The following TRAPPC11 variants were observed in gnomAD, a reference collection of about 807,000 sequenced individuals.
TRAPPC11 encodes the protein foie gras homolog.
A neutral mutation model predicts 151.2 loss-of-function variants in TRAPPC11; 104 were observed. That is an observed-to-expected ratio of 0.69 (90% CI 0.59 to 0.81). The LOEUF is 0.81. Among genes scored for constraint, TRAPPC11 ranks in the 30% least tolerant of loss-of-function variants. The pLI is 0.00. For missense variants in TRAPPC11, 1,230 were observed against 1,349.6 expected, an observed-to-expected ratio of 0.91 and a Z score of 1.39; for synonymous variants, 456 against 472.3, an observed-to-expected ratio of 0.97 and a Z score of 0.45.
chr4:183,712,100 A>G (rs1041615224), intron 29 of TRAPPC11, among the ~76,000 whole-genome samples: 1 of 152,146 alleles, frequency 6.6e-6, no homozygotes, highest in Non-Finnish European at 1.5e-5. Context: ...ACTTTTTCTC[A>G]AACAGGAGAT....
At chr4:183,694,454 T>A in intron 22 of TRAPPC11, 150 bp from the exon 23 acceptor site, 1 of 790,902 alleles carries the variant, frequency 1.3e-6, no homozygotes. Context: ...GGAGCATTGA[T>A]GAGTTACATT....
chr4:183,709,732 G>A (rs1200185649), intron 29 of TRAPPC11, among the ~76,000 whole-genome samples: 1 of 152,188 alleles, frequency 6.6e-6, no homozygotes, highest in Non-Finnish European at 1.5e-5. Context: ...TGGAGGTTGT[G>A]CCACTGCACT....
At position 183,666,268 on chromosome 4, in the gene TRAPPC11, T is replaced by G; in HGVS notation, c.216T>G (p.Tyr72Ter). The G allele has an allele frequency of 6.2e-7, 1 of 1,611,640 alleles. No individual in the cohort carries two copies. The highest frequency in any genetic ancestry group is 8.5e-7 in the Non-Finnish European group (1 of 1,179,152). Residue 72 changes from tyrosine to a stop codon, truncating the protein, a stop_gained, in exon 3 of 30, where the codon TAT becomes TAG. Transcript: ENST00000334690. LOFTEE classifies it high-confidence loss of function. ...GCCAATGTTTGCAGAGAACTTCATA[T>G]GAGTGGTACATTCCTAAAGGGATCT... is the stretch of plus-strand genomic sequence containing the variant. ...YPKCRPKRTSYEWYIPKGILK... is the reference protein window; with the variant it reads ...YPKCRPKRTS
At chr4:183,661,490 G>A (rs1469019835) in intron 1 of TRAPPC11, among the ~76,000 whole-genome samples, 3 of 146,214 alleles carry the variant, frequency 2.1e-5, no homozygotes, top group Admixed American at 7.3e-5. Context: ...TCCTGCCTCA[G>A]CCTCCCGAGT....
rs745774441 is a variant in TRAPPC11 at position 183,708,538 on chromosome 4, G to C, written c.3321G>C (p.Leu1107=). The change falls in exon 29 of 30, where the codon CTG becomes CTC. Residue 1107 remains leucine, a synonymous_variant. Transcript: ENST00000334690. ...LLRFPNFTNQ[L]LRRFIPTSIF... The stretch of plus-strand genomic sequence containing the variant: ...GATTTCCTAACTTCACAAATCAGCT[G>C]CTCAGGCGTTTTATACCTACCAGTA... 1.4e-5 allele frequency: 23 copies of C among 1,613,890 alleles called. No homozygotes were observed. The South Asian group carries it at 2.2e-4, about 15-fold the overall frequency.
At chr4:183,664,263 G>T (rs991279806) in intron 2 of TRAPPC11, among the ~76,000 whole-genome samples, 192 bp downstream of exon 2, 7 of 151,984 alleles carry the variant, frequency 4.6e-5, no homozygotes, top group Non-Finnish European at 8.8e-5. Context: ...TTAAACTCCA[G>T]AGGAATAATT....
At chr4:183,682,895 A>G (rs1026010591) in intron 11 of TRAPPC11, 70 bp downstream of exon 11, 146 of 1,033,490 alleles carry the variant, frequency 1.4e-4, no homozygotes, top group Non-Finnish European at 2.0e-4. Flanking sequence ...TAGATTTTCC[A>G]TTGGCTGCAC....
At chr4:183,691,619 G>T in intron 19 of TRAPPC11, 148 bp downstream of exon 19, 2 of 474,582 alleles carry the variant, frequency 4.2e-6, no homozygotes, top group African/African-American at 2.0e-5. Context: ...AGTTTGGGAA[G>T]TTTCCTTCAG....
chr4:183,693,105 A>AT lies in TRAPPC11; in HGVS notation c.2196dup (p.Glu733Ter). On this transcript the variant is annotated frameshift_variant, in exon 20 of 30. Coordinates refer to ENST00000334690, the MANE Select transcript of TRAPPC11 (RefSeq NM_021942.6). LOFTEE classifies it high-confidence loss of function. ...AAAAGGCGACCTAAGCTACCTGACA[A>AT]TGAAGTTCACTGGGACAGCATTATA... The AT allele has an allele frequency of 6.2e-7, 1 of 1,612,314 alleles. No individual in the cohort carries two copies. Among genetic ancestry groups the AT allele is most frequent in the Non-Finnish European group, 8.5e-7 (1 of 1,178,852 alleles).
chr4:183,683,712 A>G, intron 11 of TRAPPC11: 1 of 469,902 alleles, frequency 2.1e-6, no homozygotes, highest in East Asian at 3.8e-5. Flanking sequence ...TCCTCTATAG[A>G]GGATGATATT....
At chr4:183,686,518 T>C (rs1412827814) in intron 17 of TRAPPC11, 100 bp from the exon 18 acceptor site, 4 of 1,381,018 alleles carry the variant, frequency 2.9e-6, no homozygotes, top group Admixed American at 3.8e-5. Context: ...GAATGGTCAG[T>C]GCAGATGTGT....
At position 183,675,011 on chromosome 4, in the gene TRAPPC11, C is replaced by G. The variant is rs1013692444; in HGVS notation, c.661-153C>G. 2.2e-5 allele frequency: 12 copies of G among 551,824 alleles called. No individual in the cohort carries two copies. In the South Asian group the frequency reaches 2.3e-4, roughly 10 times the overall value. The allele number at this position is 551,824 out of a possible 1,614,324, so 34.2% of individuals were successfully genotyped here. ...AGTTCTTAAAGGTAGATTTTTATAG[C>G]CTTCTTAATTGTGCCTTTATTTGTG... On this transcript the variant is annotated intron_variant, in intron 6 of 29. Transcript: ENST00000334690.
chr4:183,664,116 ATG>A (rs368983109), intron 2 of TRAPPC11, 45 bp downstream of exon 2: 1,714 of 1,095,428 alleles, frequency 1.6e-3, no homozygotes, highest in Middle Eastern at 3.2e-3. Flanking sequence ...CTCTCTCTCT[ATG>A]TGTGTGTGTG....
At chr4:183,706,977 A>T in intron 28 of TRAPPC11, 37 bp downstream of exon 28, 1 of 1,603,828 alleles carries the variant, frequency 6.2e-7, no homozygotes, top group South Asian at 1.1e-5. Context: ...TGTTGACACA[A>T]AAGTGTGCCA....
At chr4:183,702,447 C>T (rs146195564) in intron 26 of TRAPPC11, among the ~76,000 whole-genome samples, 24 of 151,882 alleles carry the variant, frequency 1.6e-4, no homozygotes, top group Non-Finnish European at 3.1e-4. Flanking sequence ...AATTGTGGCA[C>T]GTTCATACAG....
In TRAPPC11 at chr4:183,693,944, C is replaced by T; in HGVS notation, c.2414C>T (p.Thr805Ile). ...CAGGATGCCAATTTAACTCAGAAGA[C>T]TCACGTGACTCTTCATGGAACAGAA... ...PGQDANLTQK[T>I]HVTLHGTELC... Residue 805 changes from threonine (T) to isoleucine (I), a missense_variant, in exon 22 of 30, where the codon ACT becomes ATT. Physicochemically the swap from Thr to Ile is moderately conservative, Grantham distance 89 (BLOSUM62 -1). Transcript: ENST00000334690. 1 of 1,613,690 alleles carries T rather than the reference C, an allele frequency of 6.2e-7. No homozygotes were observed. Among genetic ancestry groups the T allele is most frequent in the Non-Finnish European group, 8.5e-7 (1 of 1,179,642 alleles).
chr4:183,682,737 T>C lies in TRAPPC11; in HGVS notation c.1119T>C (p.Ser373=). ...LAKTLCNHEA[S]VMYPNPDPLE... is the part of the protein sequence containing the mutation. Reference sequence around the variant, plus strand: ...GTTTGTGTTTTAATTTACAGGCTTCTGTAATGTATCCCAATCCTGATCCCT... The same window carrying C: ...GTTTGTGTTTTAATTTACAGGCTTCCGTAATGTATCCCAATCCTGATCCCT... The change falls in exon 11 of 30, where the codon TCT becomes TCC. Residue 373 remains serine (S), a synonymous_variant. Transcript: ENST00000334690. 6.2e-7 allele frequency: 1 copy of C among 1,609,972 alleles called. No individual in the cohort carries two copies. Among genetic ancestry groups the C allele is most frequent in the African/African-American group, 1.3e-5 (1 of 74,932 alleles).
chr4:183,711,537 T>G (rs1445728316), intron 29 of TRAPPC11, among the ~76,000 whole-genome samples: 2 of 152,138 alleles, frequency 1.3e-5, no homozygotes, highest in East Asian at 3.8e-4. Flanking sequence ...CCATCAGTAC[T>G]AAAAAAACAG....
intron 27 of TRAPPC11, chr4:183,706,067 AACACACACACACAC>A (rs35580682): frequency 2.3e-4 from 34 of 145,816 alleles, no homozygotes; most frequent in African/African-American, 7.7e-4. Context: ...GAACTGCCAG[AACACACACACACAC>A]ACACACACAC....
Sources: allele counts gnomAD v4.1 joint callset (sites outside exome capture counted in the v4.1 genomes callset), GRCh38; gene constraint gnomAD v4.1.1; transcripts MANE v1.5; gene names NCBI Gene and HGNC (gene_info 2026-07-23, HGNC 2026-07-21).